RIMS2: variants seen among roughly 807,000 people sequenced by gnomAD.
RIMS2 encodes the protein regulating synaptic membrane exocytosis protein 2.
A neutral mutation model predicts 174.4 loss-of-function variants in RIMS2; 59 were observed. That is an observed-to-expected ratio of 0.34 (90% CI 0.27 to 0.42). The LOEUF is 0.42. Ranked by LOEUF, RIMS2 falls within the 10% of genes least tolerant of loss-of-function variation. The pLI is 1.00. For missense variants in RIMS2, 1,620 were observed against 1,666.3 expected (o/e 0.97, Z 0.48); for synonymous variants, 606 against 572.5 (o/e 1.06, Z -0.84).
intron 19 of RIMS2, among the ~76,000 whole-genome samples, chr8:104,160,215 A>C (rs1469114804): frequency 1.3e-5 from 2 of 152,132 alleles, no homozygotes; most frequent in Non-Finnish European, 2.9e-5. Flanking sequence ...ATCCCATCAG[A>C]CTATAAATTT....
chr8:103,957,565 C>G (rs1264937119), intron 14 of RIMS2, among the ~76,000 whole-genome samples: 1 of 152,120 alleles, frequency 6.6e-6, no homozygotes, highest in Non-Finnish European at 1.5e-5. Context: ...ATTGAGAACA[C>G]ATAGACACAG....
intron 19 of RIMS2, chr8:104,094,503 A>T: frequency 1.5e-6 from 1 of 685,272 alleles, no homozygotes; most frequent in South Asian, 1.6e-5. Flanking sequence ...AGAGGGAGGG[A>T]AAGAAGGGGA....
At chr8:103,965,604 C>A (rs1384725559) in intron 15 of RIMS2, among the ~76,000 whole-genome samples, 2 of 151,980 alleles carry the variant, frequency 1.3e-5, no homozygotes, top group African/African-American at 4.8e-5. Flanking sequence ...AGTTTTATTT[C>A]TTTCTCCCTA....
chr8:103,880,054 T>G (rs374045220), intron 3 of RIMS2, among the ~76,000 whole-genome samples: 195 of 151,742 alleles, frequency 1.3e-3, no homozygotes, highest in African/African-American at 4.5e-3. Flanking sequence ...TTCTTGAACC[T>G]TTGGGGAAAC....
intron 1 of RIMS2, among the ~76,000 whole-genome samples, chr8:103,546,517 T>A (rs1234180905): frequency 6.6e-6 from 1 of 152,084 alleles, no homozygotes; most frequent in Non-Finnish European, 1.5e-5. Context: ...GAACTCAACA[T>A]TTGACTAAAT....
intron 1 of RIMS2, among the ~76,000 whole-genome samples, chr8:103,645,098 T>A (rs1017272787): frequency 1.1e-4 from 17 of 152,112 alleles, no homozygotes; most frequent in African/African-American, 4.1e-4. Flanking sequence ...TATTTGTGAA[T>A]GTTTTGTTCT....
chr8:103,793,792 A>C lies in RIMS2; in HGVS notation c.698+27255A>C, dbSNP rs540476273. On this transcript the variant is annotated intron_variant, in intron 3 of 23. Transcript: ENST00000504942. Reference sequence around the variant, plus strand: ...AAGCATTCCTATACACCAATAACAGACAAACAGAGAGCCAAATCATGAGTG... The same window carrying C: ...AAGCATTCCTATACACCAATAACAGCCAAACAGAGAGCCAAATCATGAGTG... Among the ~76,000 whole-genome samples the C allele has an allele frequency of 2.0e-3, 309 of 152,318 alleles. 2 individuals carry two copies. The highest frequency in any genetic ancestry group is 3.7e-3 in the Non-Finnish European group (252 of 68,012).
chr8:104,068,703 C>T (rs1432181139), intron 19 of RIMS2, 91 bp downstream of exon 23: 5 of 691,074 alleles, frequency 7.2e-6, no homozygotes, highest in Non-Finnish European at 1.3e-5. Flanking sequence ...ATTAGTCAGA[C>T]ACAAACATAT....
intron 19 of RIMS2, chr8:104,015,384 G>A: frequency 1.5e-6 from 1 of 667,578 alleles, no homozygotes; most frequent in South Asian, 1.6e-5. Flanking sequence ...TTGTTTGTTT[G>A]TTTTTGTTCT....
chr8:103,881,568 A>G (rs1345688232), intron 3 of RIMS2, among the ~76,000 whole-genome samples: 1 of 151,534 alleles, frequency 6.6e-6, no homozygotes, highest in African/African-American at 2.4e-5. Flanking sequence ...TTTTGGACAT[A>G]GAATTTAAGG....
chr8:104,195,031 T>C (rs1248245711), intron 19 of RIMS2, among the ~76,000 whole-genome samples: 4 of 152,204 alleles, frequency 2.6e-5, no homozygotes, highest in Non-Finnish European at 1.5e-5. Context: ...TGAAAGCTTT[T>C]TAAGCAAAAC....
At chr8:103,700,296 G>A (rs1167806405) in intron 2 of RIMS2, among the ~76,000 whole-genome samples, 2 of 151,854 alleles carry the variant, frequency 1.3e-5, no homozygotes, top group Non-Finnish European at 2.9e-5. Flanking sequence ...AGTTTAACAG[G>A]CCTCTTTATC....
intron 2 of RIMS2, among the ~76,000 whole-genome samples, chr8:103,703,292 C>G (rs1414847332): frequency 6.6e-6 from 1 of 152,136 alleles, no homozygotes. Flanking sequence ...GGCTGGAGTG[C>G]AGTGGCACAA....
chr8:104,074,477 A>G (rs973831739), intron 19 of RIMS2, among the ~76,000 whole-genome samples: 9 of 152,202 alleles, frequency 5.9e-5, no homozygotes, highest in Admixed American at 4.6e-4. Context: ...AGCAAATATA[A>G]TAATAGACAC....
chr8:104,140,612 A>G (rs917946716), intron 19 of RIMS2, among the ~76,000 whole-genome samples: 4 of 152,280 alleles, frequency 2.6e-5, no homozygotes, highest in African/African-American at 9.6e-5. Flanking sequence ...AATTAGAGAA[A>G]ATTCCTTCTT....
At chr8:103,932,323 T>G (rs1321758059) in intron 12 of RIMS2, among the ~76,000 whole-genome samples, 5 of 152,170 alleles carry the variant, frequency 3.3e-5, no homozygotes, top group Admixed American at 1.3e-4. Context: ...AAGTGTCACC[T>G]GAACAACAAT....
At chr8:104,013,942 C>G (rs1335428157) in intron 18 of RIMS2, among the ~76,000 whole-genome samples, 1 of 152,146 alleles carries the variant, frequency 6.6e-6, no homozygotes, top group Non-Finnish European at 1.5e-5. Context: ...TTACACATCA[C>G]TTTTCAAATC....
chr8:104,166,526 C>G (rs1183814639), intron 19 of RIMS2, among the ~76,000 whole-genome samples: 1 of 152,038 alleles, frequency 6.6e-6, no homozygotes, highest in East Asian at 1.9e-4. Flanking sequence ...GATAAATGAT[C>G]TAATTTGACT....
intron 19 of RIMS2, among the ~76,000 whole-genome samples, chr8:104,084,437 C>CA (rs34285862): frequency 0.014 from 1,072 of 76,518 alleles, 35 homozygotes; most frequent in Non-Finnish European, 0.02. Flanking sequence ...GACTCTGTCT[C>CA]AAAAAAAAAA....
Sources: allele counts gnomAD v4.1 joint callset (sites outside exome capture counted in the v4.1 genomes callset), GRCh38; gene constraint gnomAD v4.1.1; transcripts MANE v1.5; gene names NCBI Gene and HGNC (gene_info 2026-07-23, HGNC 2026-07-21).